Variants in INVS observed in about 807,000 individuals in gnomAD.
INVS encodes the protein inversion of embryo turning homolog.
INVS carries 86 observed loss-of-function variants against 108.8 expected under a neutral mutation model. The ratio of observed to expected loss-of-function variants is 0.79; its 90% confidence interval spans 0.66 to 0.95. The LOEUF is 0.95. INVS is among the 40% of genes least tolerant of loss of function. The pLI is 0.00. For missense variants in INVS, 1,169 were observed against 1,297.4 expected (o/e 0.90, Z 1.52); for synonymous variants, 455 against 473.5 (o/e 0.96, Z 0.51).
At chr9:100,191,486 G>A (rs949923110) in intron 3 of INVS, among the ~76,000 whole-genome samples, 2 of 152,016 alleles carry the variant, frequency 1.3e-5, no homozygotes, top group African/African-American at 4.8e-5. Context: ...ACTTTCCTGT[G>A]CATTTTTTAA....
intron 3 of INVS, among the ~76,000 whole-genome samples, chr9:100,166,524 G>GA (rs1353631983): frequency 1.3e-5 from 2 of 151,774 alleles, no homozygotes; most frequent in Non-Finnish European, 2.9e-5. Flanking sequence ...CCTTGTTTAA[G>GA]AAAAAAAAGA....
intron 3 of INVS, among the ~76,000 whole-genome samples, chr9:100,206,737 A>T (rs951142488): frequency 6.9e-5 from 10 of 145,070 alleles, no homozygotes; most frequent in African/African-American, 2.5e-4. Flanking sequence ...TCATCTATTT[A>T]AAAAAAAAAA....
At chr9:100,194,939 G>A (rs1374721054) in intron 3 of INVS, among the ~76,000 whole-genome samples, 1 of 152,134 alleles carries the variant, frequency 6.6e-6, no homozygotes, top group African/African-American at 2.4e-5. Flanking sequence ...CTGGGGTAGT[G>A]GTGAAACTTA....
At chr9:100,184,511 T>A (rs1357726157) in intron 3 of INVS, among the ~76,000 whole-genome samples, 1 of 152,148 alleles carries the variant, frequency 6.6e-6, no homozygotes, top group Non-Finnish European at 1.5e-5. Flanking sequence ...GAAGAAAAGA[T>A]CATTGTAGTA....
chr9:100,181,297 G>C (rs1481270662), intron 3 of INVS, among the ~76,000 whole-genome samples: 6 of 152,028 alleles, frequency 3.9e-5, no homozygotes, highest in East Asian at 1.9e-4. Flanking sequence ...AGAAATAAAG[G>C]GTATTCAAAT....
At chr9:100,189,103 CTTCT>C (rs1830142369) in intron 3 of INVS, among the ~76,000 whole-genome samples, 1 of 76,676 alleles carries the variant, frequency 1.3e-5, no homozygotes, top group African/African-American at 8.2e-5. Context: ...TTATTTGCAT[CTTCT>C]TTTTTTTTTT....
chr9:100,202,147 A>T (rs967460540), intron 3 of INVS, among the ~76,000 whole-genome samples: 7 of 151,538 alleles, frequency 4.6e-5, no homozygotes, highest in African/African-American at 1.7e-4. Flanking sequence ...CACTGAACTT[A>T]ATACTGTAGT....
At chr9:100,152,745 T>G (rs1485944150) in intron 3 of INVS, among the ~76,000 whole-genome samples, 1 of 152,212 alleles carries the variant, frequency 6.6e-6, no homozygotes, top group African/African-American at 2.4e-5. Context: ...AAAATTAACA[T>G]TTCACCAATA....
intron 3 of INVS, among the ~76,000 whole-genome samples, chr9:100,180,371 T>C (rs1047431989): frequency 9.5e-5 from 14 of 147,484 alleles, no homozygotes; most frequent in Admixed American, 6.7e-4. Context: ...TAACAACAGG[T>C]AGACCACCAC....
intron 3 of INVS, among the ~76,000 whole-genome samples, chr9:100,167,784 G>T (rs1829413629): frequency 1.3e-5 from 2 of 152,120 alleles, no homozygotes; most frequent in Admixed American, 6.6e-5. Context: ...TTTGTTGAAT[G>T]AATGAGTGTA....
chr9:100,123,241 T>C (rs1827782198), intron 2 of INVS, among the ~76,000 whole-genome samples: 1 of 152,216 alleles, frequency 6.6e-6, no homozygotes. Flanking sequence ...CTTCACCCTT[T>C]GGCTGTTACT....
chr9:100,136,550 C>T lies in INVS; in HGVS notation c.273+10001C>T, dbSNP rs1828231152. On this transcript the variant is annotated intron_variant, in intron 3 of 16. Coordinates refer to ENST00000262457, the MANE Select transcript of INVS (RefSeq NM_014425.5). ...TGATTATATCTCAAACATTTTTTTA[C>T]AGTTGATTTATTCAAATCAGGACCT... is the stretch of plus-strand genomic sequence containing the variant. 2.0e-5 allele frequency among the ~76,000 whole-genome samples: 3 copies of T among 152,062 alleles called. No homozygotes were observed. In the South Asian group the frequency reaches 6.2e-4, roughly 32 times the overall value.
At chr9:100,189,632 T>C (rs1192522221) in intron 3 of INVS, among the ~76,000 whole-genome samples, 3 of 152,234 alleles carry the variant, frequency 2.0e-5, no homozygotes, top group Non-Finnish European at 4.4e-5. Flanking sequence ...TTATCTTTGA[T>C]ATGATTTTGA....
chr9:100,229,949 G>T, intron 5 of INVS, 122 bp downstream of exon 5: 1 of 875,998 alleles, frequency 1.1e-6, no homozygotes. Flanking sequence ...GAATACAACA[G>T]ACATATGGAC....
rs577331150 is a variant in INVS, at chr9:100,163,886, A to G, written c.273+37337A>G. Among the ~76,000 whole-genome samples the G allele has an allele frequency of 3.7e-4, 57 of 152,300 alleles. 1 individual carries two copies. In the South Asian group the frequency reaches 0.011, roughly 30 times the overall value. The stretch of plus-strand genomic sequence containing the variant: ...GGCCTGTATGCTATTTAATGATTCT[A>G]CTTTTACGCTGCACAAGAGGGTATG... On this transcript the variant is annotated intron_variant, in intron 3 of 16. Transcript: ENST00000262457.
chr9:100,123,418 T>C (rs1827785901), intron 2 of INVS, among the ~76,000 whole-genome samples: 1 of 152,260 alleles, frequency 6.6e-6, no homozygotes, highest in Non-Finnish European at 1.5e-5. Context: ...TCATCCATGT[T>C]GAGCATATAC....
At chr9:100,149,433 G>A (rs1828739157) in intron 3 of INVS, among the ~76,000 whole-genome samples, 1 of 152,146 alleles carries the variant, frequency 6.6e-6, no homozygotes, top group Admixed American at 6.6e-5. Flanking sequence ...ATGCTAGCTA[G>A]GCTACTTTCT....
intron 3 of INVS, among the ~76,000 whole-genome samples, chr9:100,201,758 A>G (rs1830539260): frequency 6.6e-6 from 1 of 152,258 alleles, no homozygotes; most frequent in Admixed American, 6.5e-5. Context: ...AAAAGCAGGC[A>G]TTACCTGTTT....
intron 8 of INVS, among the ~76,000 whole-genome samples, chr9:100,247,975 AT>A (rs889448606): frequency 4.0e-5 from 6 of 151,014 alleles, no homozygotes; most frequent in Non-Finnish European, 1.5e-5. Context: ...CGCCCAGCTA[AT>A]TTTTTTTTCT....
Sources: allele counts gnomAD v4.1 joint callset (sites outside exome capture counted in the v4.1 genomes callset), GRCh38; gene constraint gnomAD v4.1.1; transcripts MANE v1.5; gene names NCBI Gene and HGNC (gene_info 2026-07-23, HGNC 2026-07-21).